NOPCHAP1: variants seen among roughly 807,000 people sequenced by gnomAD.
NOPCHAP1 encodes the protein DNA damage-sensitive RNA 1.
NOPCHAP1 carries 13 observed loss-of-function variants against 14.0 expected under a neutral mutation model. The observed-to-expected ratio is 0.93, with a 90% CI of 0.60 to 1.47. The LOEUF (loss-of-function observed/expected upper bound fraction) is 1.47, where lower values mean the gene tolerates loss of function less well. NOPCHAP1 is among the 40% of genes most tolerant of loss of function. NOPCHAP1 has a pLI of 0.00. For synonymous variants in NOPCHAP1, 78 were observed against 78.4 expected, an observed-to-expected ratio of 1.00 and a Z score of 0.03; for missense variants, 230 against 226.9, an observed-to-expected ratio of 1.01 and a Z score of -0.09.
rs554451070 is a variant in NOPCHAP1 at position 105,002,556 on chromosome 12, G to A, written c.*7860G>A. 2 of 152,190 alleles carry A rather than the reference G, an allele frequency of 1.3e-5. No individual in the cohort carries two copies. Among genetic ancestry groups the A allele is most frequent in the Admixed American group, 1.3e-4 (2 of 15,294 alleles). 9.4% of individuals were successfully genotyped at this position (152,190 alleles called of 1,614,324 possible). On this transcript the variant is annotated 3_prime_UTR_variant, in exon 4 of 4. Transcript: ENST00000552951. Reference sequence around the variant, plus strand: ...TGTATGATGGACCAATCAATTTTTTGTAGCAAAATCTTAGGAATTGAATTT... The same window carrying A: ...TGTATGATGGACCAATCAATTTTTTATAGCAAAATCTTAGGAATTGAATTT...
Position 105,002,239 on chromosome 12 carries a change from A to T in NOPCHAP1, c.*7543A>T, listed in dbSNP as rs1400948988. ...CTTGGTCTTTGTGGTTATTGTAATT[A>T]GAGAGACATGAGCTTTTCGACCTTT... On this transcript the variant is annotated 3_prime_UTR_variant, in exon 4 of 4. Transcript: ENST00000552951. 1.3e-5 allele frequency: 2 copies of T among 152,222 alleles called. No homozygotes were observed. The highest frequency in any genetic ancestry group is 2.9e-5 in the Non-Finnish European group (2 of 68,028). The allele number at this position is 152,222 out of a possible 1,614,324, so 9.4% of individuals were successfully genotyped here.
rs1044246593 is a variant in NOPCHAP1 at position 104,997,985 on chromosome 12, C to T, written c.*3289C>T. On this transcript the variant is annotated 3_prime_UTR_variant, in exon 4 of 4. Coordinates refer to ENST00000552951, the MANE Select transcript of NOPCHAP1 (RefSeq NM_152318.3). ...TCTTTCCTCAGTTTGGTCAATTCTG[C>T]TGTTAATACTTGTGATTGCATTATG... 1 of 152,182 alleles carries T rather than the reference C, an allele frequency of 6.6e-6. No homozygotes were observed. Among genetic ancestry groups the T allele is most frequent in the Non-Finnish European group, 1.5e-5 (1 of 68,026 alleles). The allele number at this position is 152,182 out of a possible 1,614,324, so 9.4% of individuals were successfully genotyped here.
At chr12:104,987,143 T>C (rs1873258652) in intron 1 of NOPCHAP1, among the ~76,000 whole-genome samples, 1 of 152,218 alleles carries the variant, frequency 6.6e-6, no homozygotes, top group South Asian at 2.1e-4. Flanking sequence ...CTTGGGCATG[T>C]TGTCAGTAAA....
Position 104,986,447 on chromosome 12 carries a change from C to T in NOPCHAP1, c.95C>T (p.Ala32Val), listed in dbSNP as rs1366246266. The T allele has an allele frequency of 5.6e-6, 9 of 1,604,260 alleles. No individual in the cohort carries two copies. Among genetic ancestry groups the T allele is most frequent in the Non-Finnish European group, 7.7e-6 (9 of 1,174,434 alleles). Residue 32 changes from alanine (A) to valine (V), a missense_variant, in exon 1 of 4, where the codon GCG becomes GTG. Ala to Val is a moderately conservative substitution (Grantham distance 64, BLOSUM62 0). Transcript: ENST00000552951. The stretch of plus-strand genomic sequence containing the variant: ...CCAGTGTCCAAGGAGCTGCTGACGG[C>T]GGGAAGCGACGGCCGCGGAGGTGAC... ...GVPVSKELLT[A>V]GSDGRGGIWD...
At position 104,986,373 on chromosome 12, in the gene NOPCHAP1, C is replaced by T. The variant is rs539464433; in HGVS notation, c.21C>T (p.Pro7=). ...GAAGCATGGAGGTCCATGGCAAGCCCAAGGCTAGCCCGAGTTGTTCGTCGC... is the reference window on the plus strand; with the variant it reads ...GAAGCATGGAGGTCCATGGCAAGCCTAAGGCTAGCCCGAGTTGTTCGTCGC... MEVHGK[P]KASPSCSSPT... is the part of the protein sequence containing the mutation. Residue 7 remains proline, a synonymous_variant, in exon 1 of 4, where the codon CCC becomes CCT. Transcript: ENST00000552951. 4.3e-6 allele frequency: 7 copies of T among 1,610,576 alleles called. No homozygotes were observed. Among genetic ancestry groups the T allele is most frequent in the Admixed American group, 1.7e-5 (1 of 59,612 alleles).
intron 1 of NOPCHAP1, among the ~76,000 whole-genome samples, 154 bp downstream of exon 1, chr12:104,986,621 C>T (rs1167839198): frequency 6.6e-6 from 1 of 152,036 alleles, no homozygotes; most frequent in Non-Finnish European, 1.5e-5. Flanking sequence ...GTGCCCTGCC[C>T]GCGGCAGGGG....
chr12:104,989,897 G>T (rs1592747688), intron 2 of NOPCHAP1, among the ~76,000 whole-genome samples: 1 of 152,154 alleles, frequency 6.6e-6, no homozygotes, highest in East Asian at 1.9e-4. Flanking sequence ...TCTATCAAAT[G>T]TATTTTTTCA....
At position 104,988,266 on chromosome 12, in the gene NOPCHAP1, T is replaced by C; in HGVS notation, c.202+13T>C. 6.3e-7 allele frequency: 1 copy of C among 1,581,012 alleles called. No individual in the cohort carries two copies. Among genetic ancestry groups the C allele is most frequent in the African/African-American group, 1.3e-5 (1 of 74,368 alleles). On this transcript the variant is annotated intron_variant, in intron 2 of 3. Coordinates refer to ENST00000552951, the MANE Select transcript of NOPCHAP1 (RefSeq NM_152318.3). Reference sequence around the variant, plus strand: ...GAGAGGAGTCCCTGTAAGTACCTCTTCCCCTCTCTCACCCTCTCTAATGCT... The same window carrying C: ...GAGAGGAGTCCCTGTAAGTACCTCTCCCCCTCTCTCACCCTCTCTAATGCT...
At position 104,998,300 on chromosome 12, in the gene NOPCHAP1, T is replaced by C. The variant is rs1873536925; in HGVS notation, c.*3604T>C. On this transcript the variant is annotated 3_prime_UTR_variant, in exon 4 of 4. Coordinates refer to ENST00000552951, the MANE Select transcript of NOPCHAP1 (RefSeq NM_152318.3). ...TTTTGTCAGTTTTTGCACTGATTCT[T>C]TTTTATCTTTGTGGGCTCATGTCGC... 3 of 152,284 alleles carry C rather than the reference T, an allele frequency of 2.0e-5. No individual in the cohort carries two copies. The South Asian group carries it at 6.2e-4, about 31-fold the overall frequency. 9.4% of individuals were successfully genotyped at this position (152,284 alleles called of 1,614,324 possible). A position where few individuals can be genotyped will look rare whatever the true frequency, so the allele number is the denominator to read the frequency against.
rs1414819774 is a variant in NOPCHAP1 at position 105,017,467 on chromosome 12, C to A, written c.*22771C>A. Reference sequence around the variant, plus strand: ...TGAGCGAAGATCATGCCACTGCACTCCAGCCTGGGTGACAGAGAGACAGAC... The same window carrying A: ...TGAGCGAAGATCATGCCACTGCACTACAGCCTGGGTGACAGAGAGACAGAC... On this transcript the variant is annotated 3_prime_UTR_variant, in exon 4 of 4. Coordinates refer to ENST00000552951, the MANE Select transcript of NOPCHAP1 (RefSeq NM_152318.3). 1.5e-5 allele frequency: 2 copies of A among 136,728 alleles called. No individual in the cohort carries two copies. The highest frequency in any genetic ancestry group is 2.2e-4 in the East Asian group (1 of 4,584). The allele number at this position is 136,728 out of a possible 1,614,324, so 8.5% of individuals were successfully genotyped here. A position where few individuals can be genotyped will look rare whatever the true frequency, so the allele number is the denominator to read the frequency against.
chr12:104,995,123 C>A lies in NOPCHAP1; in HGVS notation c.*427C>A, dbSNP rs1873471735. ...GCTGTTTGTGATTGGCCAGACTTGG[C>A]TATTTGTTATAAAAATACACTCCTG... On this transcript the variant is annotated 3_prime_UTR_variant, in exon 4 of 4. Transcript: ENST00000552951. 5.1e-6 allele frequency: 1 copy of A among 196,914 alleles called. No homozygotes were observed. Among genetic ancestry groups the A allele is most frequent in the Non-Finnish European group, 1.0e-5 (1 of 100,494 alleles). 12.2% of individuals were successfully genotyped at this position (196,914 alleles called of 1,614,324 possible). A position where few individuals can be genotyped will look rare whatever the true frequency, so the allele number is the denominator to read the frequency against.
Position 105,008,049 on chromosome 12 carries a change from AG to A in NOPCHAP1, c.*13354del, listed in dbSNP as rs560943232. Reference sequence around the variant, plus strand: ...GATTGCTGGGTTAAATGGTATTTCTAGTTCTAGATCCTTGAGGAATTGCCAC... The same window carrying A: ...GATTGCTGGGTTAAATGGTATTTCTATTCTAGATCCTTGAGGAATTGCCAC... On this transcript the variant is annotated 3_prime_UTR_variant, in exon 4 of 4. Coordinates refer to ENST00000552951, the MANE Select transcript of NOPCHAP1 (RefSeq NM_152318.3). The A allele has an allele frequency of 2.7e-4, 41 of 152,316 alleles. No homozygotes were observed. Among genetic ancestry groups the A allele is most frequent in the African/African-American group, 7.0e-4 (29 of 41,560 alleles). 9.4% of individuals were successfully genotyped at this position (152,316 alleles called of 1,614,324 possible).
At chr12:104,988,719 G>A (rs1332150334) in intron 2 of NOPCHAP1, among the ~76,000 whole-genome samples, 4 of 151,904 alleles carry the variant, frequency 2.6e-5, no homozygotes, top group South Asian at 4.2e-4. Context: ...TTTATTACAC[G>A]AATGCCCTCT....
At position 105,001,498 on chromosome 12, in the gene NOPCHAP1, G is replaced by A. The variant is rs1019602389; in HGVS notation, c.*6802G>A. On this transcript the variant is annotated 3_prime_UTR_variant, in exon 4 of 4. Transcript: ENST00000552951. ...TCCCACCAATATTTTTTCAATTTCT[G>A]CCTTTAGAGAGCATAACAGTTCTGG... 1 of 152,120 alleles carries A rather than the reference G, an allele frequency of 6.6e-6. No homozygotes were observed. Among genetic ancestry groups the A allele is most frequent in the African/African-American group, 2.4e-5 (1 of 41,426 alleles). 9.4% of individuals were successfully genotyped at this position (152,120 alleles called of 1,614,324 possible).
Position 105,016,585 on chromosome 12 carries a change from G to C in NOPCHAP1, c.*21889G>C, listed in dbSNP as rs1280022091. ...ATGGTAGAGGGTAAAGGGGTAGAAA[G>C]TCATGTCTTACATGGCAGCAGGCAA... On this transcript the variant is annotated 3_prime_UTR_variant, in exon 4 of 4. Coordinates refer to ENST00000552951, the MANE Select transcript of NOPCHAP1 (RefSeq NM_152318.3). 2 of 152,266 alleles carry C rather than the reference G, an allele frequency of 1.3e-5. No homozygotes were observed. The highest frequency in any genetic ancestry group is 4.8e-5 in the African/African-American group (2 of 41,452). 9.4% of individuals were successfully genotyped at this position (152,266 alleles called of 1,614,324 possible).
chr12:104,986,923 G>GAGGGAGAC (rs1222006539), intron 1 of NOPCHAP1, among the ~76,000 whole-genome samples: 1 of 152,164 alleles, frequency 6.6e-6, no homozygotes, highest in Non-Finnish European at 1.5e-5. Context: ...CTGTCTTGTA[G>GAGGGAGAC]AGGGAGACAT....
intron 1 of NOPCHAP1, 52 bp downstream of exon 1, chr12:104,986,519 GCGGCCGGTGCAGTTTGGGAGC>G (rs1346304221): frequency 6.2e-6 from 9 of 1,461,358 alleles, no homozygotes; most frequent in Non-Finnish European, 8.3e-6. Flanking sequence ...CAGAGGAGGC[GCGGCCGGTGCAGTTTGGGAGC>G]CGGCCGGTGG....
intron 2 of NOPCHAP1, among the ~76,000 whole-genome samples, chr12:104,989,130 C>G (rs775409726): frequency 1.3e-5 from 2 of 151,314 alleles, no homozygotes; most frequent in Non-Finnish European, 2.9e-5. Context: ...TTTAGCTGTT[C>G]TAGTGTGGAT....
Position 104,995,304 on chromosome 12 carries a change from G to A in NOPCHAP1, c.*608G>A, listed in dbSNP as rs1873477280. 1 of 152,448 alleles carries A rather than the reference G, an allele frequency of 6.6e-6. No individual in the cohort carries two copies. Among genetic ancestry groups the A allele is most frequent in the Non-Finnish European group, 1.5e-5 (1 of 68,250 alleles). 9.4% of individuals were successfully genotyped at this position (152,448 alleles called of 1,614,324 possible). A position where few individuals can be genotyped will look rare whatever the true frequency, so the allele number is the denominator to read the frequency against. ...TTAGCTCCTCCTGCAAACATCATGT[G>A]TTCTGTTCCCTTGAGAAATTTCTTT... On this transcript the variant is annotated 3_prime_UTR_variant, in exon 4 of 4. Coordinates refer to ENST00000552951, the MANE Select transcript of NOPCHAP1 (RefSeq NM_152318.3).
Sources: allele counts gnomAD v4.1 joint callset (sites outside exome capture counted in the v4.1 genomes callset), GRCh38; gene constraint gnomAD v4.1.1; transcripts MANE v1.5; gene names NCBI Gene and HGNC (gene_info 2026-07-23, HGNC 2026-07-21).